Variants in LSAMP observed in about 807,000 individuals in gnomAD.
LSAMP encodes limbic system associated membrane protein, also known as limbic system-associated membrane protein.
Under a neutral mutation model 38.6 loss-of-function variants are expected in LSAMP, and 7 were observed. That is an observed-to-expected ratio of 0.18 (90% CI 0.10 to 0.34). The LOEUF is 0.34. Ranked by LOEUF, LSAMP falls within the 10% of genes least tolerant of loss-of-function variation. The pLI, the probability that LSAMP is intolerant of heterozygous loss-of-function variation, is 1.00. For missense variants in LSAMP, 313 were observed against 420.0 expected (o/e 0.75, Z 2.23); for synonymous variants, 154 against 166.8 (o/e 0.92, Z 0.59).
intron 1 of LSAMP, among the ~76,000 whole-genome samples, chr3:116,270,581 A>G (rs1411689171): frequency 6.6e-6 from 1 of 152,106 alleles, no homozygotes; most frequent in African/African-American, 2.4e-5. Context: ...GTTGATCTCA[A>G]TTAGGTCCAA....
At chr3:115,937,805 AAAT>A (rs879335057) in intron 3 of LSAMP, among the ~76,000 whole-genome samples, 71 of 150,528 alleles carry the variant, frequency 4.7e-4, no homozygotes, top group Non-Finnish European at 9.3e-4. Context: ...ATGGCCAGCT[AAAT>A]GATATTGGCT....
intron 1 of LSAMP, among the ~76,000 whole-genome samples, chr3:116,204,086 T>G (rs1160784325): frequency 6.6e-6 from 1 of 151,982 alleles, no homozygotes; most frequent in Admixed American, 6.6e-5. Flanking sequence ...TTTTAATGAT[T>G]GCCATTCTAA....
intron 3 of LSAMP, among the ~76,000 whole-genome samples, chr3:115,980,083 T>TAA (rs1402429563): frequency 1.3e-5 from 2 of 152,052 alleles, no homozygotes; most frequent in African/African-American, 4.8e-5. Flanking sequence ...CATTTATTAT[T>TAA]AAAAAAATAC....
intron 1 of LSAMP, among the ~76,000 whole-genome samples, chr3:116,128,283 C>T (rs1709051036): frequency 6.6e-6 from 1 of 152,134 alleles, no homozygotes; most frequent in Non-Finnish European, 1.5e-5. Context: ...CTTATCTATT[C>T]CAAGAAAACA....
At chr3:116,344,552 A>T (rs993666992) in intron 1 of LSAMP, among the ~76,000 whole-genome samples, 1 of 152,074 alleles carries the variant, frequency 6.6e-6, no homozygotes, top group African/African-American at 2.4e-5. Flanking sequence ...TCCTGCCTCT[A>T]GGCTCTTCCA....
At chr3:116,229,652 A>C (rs1485355239) in intron 1 of LSAMP, among the ~76,000 whole-genome samples, 2 of 152,122 alleles carry the variant, frequency 1.3e-5, no homozygotes, top group Non-Finnish European at 2.9e-5. Context: ...AGAACTCTAA[A>C]ATAAAATTTA....
chr3:115,868,729 T>G (rs1935931262), intron 3 of LSAMP, among the ~76,000 whole-genome samples: 2 of 152,302 alleles, frequency 1.3e-5, no homozygotes, highest in South Asian at 4.1e-4. Flanking sequence ...CATAAAGATT[T>G]AATCTTCTTT....
chr3:116,310,944 G>C (rs1345348211), intron 1 of LSAMP, among the ~76,000 whole-genome samples: 2 of 148,080 alleles, frequency 1.4e-5, no homozygotes, highest in African/African-American at 5.0e-5. Context: ...TCATGGATAT[G>C]AATAGTTCAC....
At chr3:116,185,343 C>A (rs1378031047) in intron 1 of LSAMP, among the ~76,000 whole-genome samples, 1 of 151,944 alleles carries the variant, frequency 6.6e-6, no homozygotes, top group Non-Finnish European at 1.5e-5. Flanking sequence ...CAGCTCTTAA[C>A]CCTGAATATT....
chr3:116,318,005 G>A (rs145369694), intron 1 of LSAMP, among the ~76,000 whole-genome samples: 2,114 of 151,336 alleles, frequency 0.014, 47 homozygotes, highest in Non-Finnish European at 0.018. Flanking sequence ...GCGTGGTGGT[G>A]GGTGCCTGTA....
At chr3:116,190,841 A>T (rs530768158) in intron 1 of LSAMP, among the ~76,000 whole-genome samples, 1 of 152,264 alleles carries the variant, frequency 6.6e-6, no homozygotes, top group East Asian at 1.9e-4. Flanking sequence ...GAAAAACACA[A>T]GAACAAAGAA....
chr3:115,898,594 G>T (rs893115311), intron 3 of LSAMP, among the ~76,000 whole-genome samples: 1 of 116,122 alleles, frequency 8.6e-6, no homozygotes, highest in African/African-American at 3.6e-5. Flanking sequence ...TTTGCATGAA[G>T]ATGCATATAT....
intron 1 of LSAMP, among the ~76,000 whole-genome samples, chr3:116,332,170 T>C (rs926910763): frequency 8.5e-5 from 13 of 152,122 alleles, no homozygotes; most frequent in African/African-American, 3.1e-4. Context: ...GATTTAAAAG[T>C]CATGATTTCT....
At chr3:115,887,799 T>G (rs1003263777) in intron 3 of LSAMP, among the ~76,000 whole-genome samples, 1 of 151,846 alleles carries the variant, frequency 6.6e-6, no homozygotes, top group African/African-American at 2.4e-5. Context: ...CAGGCGACCT[T>G]GGGGAGATTT....
At chr3:115,849,251 T>C (rs1397330867) in intron 4 of LSAMP, among the ~76,000 whole-genome samples, 1 of 152,208 alleles carries the variant, frequency 6.6e-6, no homozygotes, top group African/African-American at 2.4e-5. Flanking sequence ...AGATTTTGCA[T>C]GTAAAAGTGG....
At chr3:116,221,844 A>ATGT (rs3220931) in intron 1 of LSAMP, among the ~76,000 whole-genome samples, 2 of 145,480 alleles carry the variant, frequency 1.4e-5, no homozygotes, top group South Asian at 4.6e-4. Flanking sequence ...CCTAAAAAGA[A>ATGT]GTGTGTGTGT....
intron 1 of LSAMP, among the ~76,000 whole-genome samples, chr3:116,381,631 C>T (rs941883551): frequency 1.3e-5 from 2 of 152,114 alleles, no homozygotes; most frequent in African/African-American, 4.8e-5. Flanking sequence ...TAGACAACAA[C>T]ATATATCTTG....
At chr3:116,222,963 C>T (rs1363215736) in intron 1 of LSAMP, among the ~76,000 whole-genome samples, 2 of 151,814 alleles carry the variant, frequency 1.3e-5, no homozygotes, top group African/African-American at 4.8e-5. Flanking sequence ...TGGTCTCGAT[C>T]TCCTGACCTC....
chr3:115,933,425 G>A (rs1937613327), intron 3 of LSAMP, among the ~76,000 whole-genome samples: 1 of 152,122 alleles, frequency 6.6e-6, no homozygotes, highest in African/African-American at 2.4e-5. Flanking sequence ...ACTAAATTTA[G>A]GGAATAAAGA....
Sources: gnomAD v4.1 joint callset for allele counts (sites outside exome capture counted in the v4.1 genomes callset) on GRCh38, gnomAD v4.1.1 for gene constraint, MANE v1.5 for transcripts, NCBI Gene and HGNC (gene_info 2026-07-23, HGNC 2026-07-21) for gene names.